The following STXBP2 variants were observed in gnomAD, a reference collection of about 807,000 sequenced individuals.
STXBP2 encodes the protein syntaxin-binding protein 2.
A neutral mutation model predicts 72.2 loss-of-function variants in STXBP2; 47 were observed. The ratio of observed to expected loss-of-function variants is 0.65; its 90% CI spans 0.51 to 0.83. The LOEUF is 0.83. Among genes scored for constraint, STXBP2 ranks in the 40% least tolerant of loss-of-function variants. STXBP2 has a pLI of 0.00. For synonymous variants in STXBP2, 367 were observed against 338.7 expected (o/e 1.08, Z -0.92); for missense variants, 702 against 807.6 (o/e 0.87, Z 1.58).
At chr19:7,631,120 A>G in the STXBP2 span, 21 of 795,468 alleles carry the variant, frequency 2.6e-5, no homozygotes, top group Admixed American at 6.0e-5. Flanking sequence ...AGGGAGAAGA[A>G]TCACTTGAAC....
At position 7,642,254 on chromosome 19, in the gene STXBP2, C is replaced by T. The variant is rs1418225393; in HGVS notation, c.715C>T (p.Pro239Ser). 6.2e-7 allele frequency: 1 copy of T among 1,614,052 alleles called. No homozygotes were observed. The highest frequency in any genetic ancestry group is 1.3e-5 in the African/African-American group (1 of 74,916). ...GCTGATAATGGACCGGGCAGCTGAC[C>T]CCGTGTCCCCACTACTGCATGAGCT... ...QLLIMDRAADPVSPLLHELTF... is the reference protein window; with the variant it reads ...QLLIMDRAADSVSPLLHELTF... Residue 239 changes from proline to serine, a missense_variant, in exon 9 of 19, where the codon CCC becomes TCC. Transcript: ENST00000221283. This position sits in a 1 kb window ranked among gnomAD's most constrained non-coding sequence, Gnocchi z 6.0.
rs1423317334 is a variant in STXBP2, at chr19:7,642,724, T to C, written c.903-42T>C. ...AGTGGGCTCACCCATGGCCTGTGGC[T>C]CCTCTCCCCTCACTCTCACCCCCGC... is the stretch of plus-strand genomic sequence containing the variant. On this transcript the variant is annotated intron_variant, in intron 10 of 18. Transcript: ENST00000221283. The surrounding 1 kb of genome is among the most constrained non-coding windows in gnomAD (Gnocchi z 6.0). The C allele has an allele frequency of 6.2e-7, 1 of 1,606,850 alleles. No individual in the cohort carries two copies. Among genetic ancestry groups the C allele is most frequent in the East Asian group, 2.2e-5 (1 of 44,760 alleles).
At chr19:7,629,875 G>C in the STXBP2 span, 1 of 1,528,744 alleles carries the variant, frequency 6.5e-7, no homozygotes, top group African/African-American at 1.4e-5. Context: ...GTGGACACAG[G>C]AGTGGGTTGG....
chr19:7,646,351 G>T lies in STXBP2; in HGVS notation c.1452+7G>T, dbSNP rs746604591. The T allele has an allele frequency of 2.5e-5, 40 of 1,599,052 alleles. No individual in the cohort carries two copies. The highest frequency in any genetic ancestry group is 8.8e-5 in the Admixed American group (5 of 56,770). The stretch of plus-strand genomic sequence containing the variant: ...CATCAAGGATGTAATGGAGGTACTG[G>T]GTGGCAGGTCAGGGTGGGGGCCAGC... On this transcript the variant is annotated splice_region_variant and intron_variant, in intron 16 of 18. Coordinates refer to ENST00000221283, the MANE Select transcript of STXBP2 (RefSeq NM_006949.4).
At chr19:7,638,096 A>T (rs1173177743) in intron 1 of STXBP2, among the ~76,000 whole-genome samples, 1 of 152,242 alleles carries the variant, frequency 6.6e-6, no homozygotes, top group African/African-American at 2.4e-5. Flanking sequence ...GGAAGCCGAG[A>T]GCCTGGCGCT....
At chr19:7,645,521 G>A (rs1310329392) in intron 15 of STXBP2, 2 of 568,510 alleles carry the variant, frequency 3.5e-6, no homozygotes. Context: ...CAGGGGAAGT[G>A]AGACATGGTC....
intron 16 of STXBP2, chr19:7,646,626 G>A: frequency 1.9e-6 from 1 of 521,898 alleles, no homozygotes; most frequent in South Asian, 2.0e-5. Flanking sequence ...GAGTGCCCCT[G>A]AGCCCCAGCC....
the STXBP2 span, chr19:7,631,411 G>GCCGGGCCCC: frequency 1.1e-6 from 1 of 886,152 alleles, no homozygotes; most frequent in Non-Finnish European, 1.7e-6. Flanking sequence ...GGGGGGGGTG[G>GCCGGGCCCC]TCCCGGCTCT....
intron 13 of STXBP2, among the ~76,000 whole-genome samples, chr19:7,643,745 G>T (rs1337228566): frequency 6.6e-6 from 1 of 151,830 alleles, no homozygotes; most frequent in Non-Finnish European, 1.5e-5. Flanking sequence ...CGGAGCCTTG[G>T]AGAGGTGGGA....
intron 18 of STXBP2, 48 bp from the exon 19 acceptor site, chr19:7,647,677 G>A (rs373382409): frequency 4.7e-5 from 75 of 1,608,546 alleles, no homozygotes; most frequent in East Asian, 4.5e-5. Flanking sequence ...TGTCAAAGAC[G>A]AAGGCAGCGC....
At chr19:7,644,915 T>C (rs1308513988) in intron 14 of STXBP2, 163 bp downstream of exon 14, 1 of 1,472,006 alleles carries the variant, frequency 6.8e-7, no homozygotes, top group Non-Finnish European at 9.0e-7. Context: ...CTCCATTGGC[T>C]TGGGGATTCC....
chr19:7,643,995 CCTGGGTGAGGGGTGGAACCTCGGAGAGG>C (rs2032016510), intron 13 of STXBP2, among the ~76,000 whole-genome samples: 2 of 144,620 alleles, frequency 1.4e-5, no homozygotes, highest in African/African-American at 2.6e-5. Context: ...AGAGGTGGGA[CCTGGGTGAGGGGTGGAACCTCGGAGAGG>C]TGGGACCTGG....
chr19:7,633,081 G>C, upstream of STXBP2: 7 of 1,239,360 alleles, frequency 5.6e-6, no homozygotes, highest in Non-Finnish European at 6.5e-6. Context: ...TCAAGGGACA[G>C]GCTCCGATGC....
chr19:7,632,503 G>A (rs907683590), upstream of STXBP2: 10 of 1,613,284 alleles, frequency 6.2e-6, no homozygotes, highest in Non-Finnish European at 5.9e-6. This position sits in a 1 kb window ranked among gnomAD's most constrained non-coding sequence, Gnocchi z 5.2. Context: ...TCCATCTCGG[G>A]GGTGGGGTCG....
Position 7,640,484 on chromosome 19 carries a change from GTA to G in STXBP2, c.247-245_247-244del, listed in dbSNP as rs769637587. On this transcript the variant is annotated intron_variant, in intron 4 of 18. Transcript: ENST00000221283. ...TGTGCATCTCTGTGTGTGCATGTGT[GTA>G]TGTGTGTGTGCATCTGTGTGTGTGT... 1.3e-4 allele frequency: 88 copies of G among 685,066 alleles called. No individual in the cohort carries two copies. In the Middle Eastern group the frequency reaches 1.6e-3, roughly 12 times the overall value. The allele number at this position is 685,066 out of a possible 1,614,324, so 42.4% of individuals were successfully genotyped here. A position where few individuals can be genotyped will look rare whatever the true frequency, so the allele number is the denominator to read the frequency against.
rs569597239 is a variant in STXBP2, at chr19:7,645,043, C to T, written c.1247-154C>T. 431 of 1,445,510 alleles carry T rather than the reference C, an allele frequency of 3.0e-4. 5 individuals are homozygous for T. The South Asian group carries it at 5.4e-3, about 18-fold the overall frequency. 89.5% of individuals were successfully genotyped at this position (1,445,510 alleles called of 1,614,324 possible). ...CCTGATCTACCCCCTCCAGGTTTCC[C>T]ACTCTTGCTCACACTAGCACAGGGT... On this transcript the variant is annotated intron_variant, in intron 14 of 18. Transcript: ENST00000221283.
chr19:7,640,210 ATGTG>A (rs200378713), intron 4 of STXBP2: 1 of 470,404 alleles, frequency 2.1e-6, no homozygotes, highest in Non-Finnish European at 4.0e-6. Flanking sequence ...GTGTGTATGT[ATGTG>A]TCTGCGTCTG....
chr19:7,639,242 C>T, intron 3 of STXBP2, 142 bp downstream of exon 3: 1 of 905,248 alleles, frequency 1.1e-6, no homozygotes, highest in Non-Finnish European at 1.8e-6. Flanking sequence ...GCACGGACAG[C>T]CCGGATCATG....
At chr19:7,643,273 G>T (rs201578879) in intron 13 of STXBP2, 28 bp downstream of exon 13, 3 of 1,609,328 alleles carry the variant, frequency 1.9e-6, no homozygotes, top group Admixed American at 1.7e-5. Flanking sequence ...GGGGGCAGGG[G>T]TGATGGTCCT....
Sources: allele counts gnomAD v4.1 joint callset (sites outside exome capture counted in the v4.1 genomes callset), GRCh38; gene constraint gnomAD v4.1.1; non-coding constraint Gnocchi (gnomAD v3.1); transcripts MANE v1.5; gene names NCBI Gene and HGNC (gene_info 2026-07-23, HGNC 2026-07-21).